Variants in KRT82 observed in about 807,000 individuals in gnomAD.
KRT82 encodes the protein keratin 82.
A neutral mutation model predicts 48.0 loss-of-function variants in KRT82; 44 were observed. The ratio of observed to expected loss-of-function variants is 0.92; its 90% CI spans 0.72 to 1.18. The LOEUF is 1.18. Ranked by LOEUF, KRT82 falls within the 50% of genes most tolerant of loss-of-function variation. KRT82 has a pLI of 0.00. For synonymous variants in KRT82, 297 were observed against 278.3 expected (o/e 1.07, Z -0.67); for missense variants, 701 against 671.4 (o/e 1.04, Z -0.49).
intron 5 of KRT82, 21 bp downstream of exon 5, chr12:52,399,964 C>A (rs193014204): frequency 1.9e-6 from 3 of 1,607,808 alleles, no homozygotes; most frequent in Admixed American, 1.7e-5. Context: ...AGTCTCCCTG[C>A]CCCCAACCAC....
chr12:52,401,488 G>T, intron 2 of KRT82, 139 bp from the exon 3 acceptor site: 1 of 719,520 alleles, frequency 1.4e-6, no homozygotes, highest in Non-Finnish European at 2.4e-6. Flanking sequence ...CCCTGTCTTG[G>T]CAACTCTAGC....
chr12:52,400,445 C>T, intron 4 of KRT82, 82 bp downstream of exon 4: 1 of 1,030,574 alleles, frequency 9.7e-7, no homozygotes, highest in Admixed American at 1.7e-5. Context: ...CTGAAATGTA[C>T]CCACTGGGCG....
chr12:52,395,696 C>T (rs1291426101), intron 8 of KRT82, 63 bp downstream of exon 8: 1 of 1,285,778 alleles, frequency 7.8e-7, no homozygotes, highest in Non-Finnish European at 1.1e-6. Flanking sequence ...GTGTGGGCTG[C>T]CTGTGTTGGG....
Position 52,396,861 on chromosome 12 carries a change from A to G in KRT82, c.1068+22T>C, listed in dbSNP as rs369200312. 5.0e-5 allele frequency: 80 copies of G among 1,612,868 alleles called. No individual in the cohort carries two copies. The African/African-American group carries it at 1.0e-3, about 20-fold the overall frequency. Reference sequence around the variant, plus strand: ...TCAGCCCAGGATGGCTGTTGCAGCAAGGAAGTCCTCCCCAGCCTCACCTGG... The same window carrying G: ...TCAGCCCAGGATGGCTGTTGCAGCAGGGAAGTCCTCCCCAGCCTCACCTGG... On this transcript the variant is annotated intron_variant, in intron 6 of 8. Coordinates refer to ENST00000257974, the MANE Select transcript of KRT82 (RefSeq NM_033033.4).
intron 8 of KRT82, 130 bp downstream of exon 8, chr12:52,395,629 G>A (rs1267709496): frequency 1.2e-5 from 8 of 670,462 alleles, no homozygotes; most frequent in East Asian, 5.7e-5. Flanking sequence ...GGGAGCTCAC[G>A]GCAGACAGAG....
At position 52,396,115 on chromosome 12, in the gene KRT82, T is replaced by C; in HGVS notation, c.1186A>G (p.Met396Val). The stretch of plus-strand genomic sequence containing the variant: ...TGATATTCCTTGAGCAGGCAGGCCA[T>C]GTCCTGCTTGGCCTTCTGCAGAGCC... ...EEALQKAKQD[M>V]ACLLKEYQEV... Residue 396 changes from methionine (M) to valine (V), a missense_variant, in exon 7 of 9, where the codon ATG (methionine) becomes GTG (valine). Coordinates refer to ENST00000257974, the MANE Select transcript of KRT82 (RefSeq NM_033033.4). 1.2e-6 allele frequency: 2 copies of C among 1,614,228 alleles called. No homozygotes were observed. The highest frequency in any genetic ancestry group is 1.1e-5 in the South Asian group (1 of 91,090).
chr12:52,404,057 T>A (rs1939822818), intron 1 of KRT82, 148 bp from the exon 2 acceptor site: 1 of 673,254 alleles, frequency 1.5e-6, no homozygotes, highest in South Asian at 1.9e-5. Flanking sequence ...CTGCATAGAC[T>A]GGCATCTGAG....
Position 52,395,740 on chromosome 12 carries a change from G to A in KRT82, c.1321+19C>T. Reference sequence around the variant, plus strand: ...CCCCCAAGACTCCAGAGCCAGTGGGGCATGGCTCATCTACTTACAGATATT... The same window carrying A: ...CCCCCAAGACTCCAGAGCCAGTGGGACATGGCTCATCTACTTACAGATATT... On this transcript the variant is annotated intron_variant, in intron 8 of 8. Transcript: ENST00000257974. The A allele has an allele frequency of 1.9e-6, 3 of 1,556,188 alleles. No homozygotes were observed. Among genetic ancestry groups the A allele is most frequent in the South Asian group, 1.2e-5 (1 of 81,774 alleles).
intron 8 of KRT82, 143 bp from the exon 9 acceptor site, chr12:52,395,338 T>A: frequency 1.5e-6 from 1 of 675,354 alleles, no homozygotes; most frequent in Non-Finnish European, 2.5e-6. Context: ...AGCCTCCGCG[T>A]CTCCCACCCT....
chr12:52,400,387 C>T (rs1419178277), intron 4 of KRT82, 140 bp downstream of exon 4: 2 of 728,510 alleles, frequency 2.7e-6, no homozygotes, highest in Admixed American at 2.5e-5. Context: ...CTGTGAGTCT[C>T]ACCGCCTGAG....
In KRT82 at chr12:52,394,705, G is replaced by A; in HGVS notation, c.*270C>T. The stretch of plus-strand genomic sequence containing the variant: ...TTTTGGGGGTTATTGCCATTCTGCG[G>A]TTAAGAGCAATGCATGCTCTTTCTC... On this transcript the variant is annotated 3_prime_UTR_variant, in exon 9 of 9. Coordinates refer to ENST00000257974, the MANE Select transcript of KRT82 (RefSeq NM_033033.4). The A allele has an allele frequency of 1.9e-6, 1 of 538,324 alleles. No individual in the cohort carries two copies. Among genetic ancestry groups the A allele is most frequent in the East Asian group, 3.2e-5 (1 of 31,430 alleles). The allele number at this position is 538,324 out of a possible 1,614,324, so 33.3% of individuals were successfully genotyped here. A position where few individuals can be genotyped will look rare whatever the true frequency, so the allele number is the denominator to read the frequency against.
chr12:52,403,850 C>A lies in KRT82; in HGVS notation c.471G>T (p.Gln157His), dbSNP rs764107261. 6.2e-7 allele frequency: 1 copy of A among 1,613,810 alleles called. No homozygotes were observed. Among genetic ancestry groups the A allele is most frequent in the African/African-American group, 1.3e-5 (1 of 74,954 alleles). Residue 157 changes from glutamine (Q) to histidine (H), a missense_variant, in exon 2 of 9, where the codon CAG becomes CAT. Transcript: ENST00000257974. ...LLETKWNFMQQQRCCQTNIEP... is the reference protein window; with the variant it reads ...LLETKWNFMQHQRCCQTNIEP... ...CGATGTTGGTCTGGCAGCACCTCTG[C>A]TGCTGCATGAAGTTCCACTTGGTCT...
At chr12:52,396,839 G>A in intron 6 of KRT82, 44 bp downstream of exon 6, 4 of 1,610,788 alleles carry the variant, frequency 2.5e-6, no homozygotes, top group Non-Finnish European at 2.5e-6. Context: ...TGGCCAGTCA[G>A]CCCAGGATGG....
At chr12:52,400,268 C>G in intron 4 of KRT82, 119 bp from the exon 5 acceptor site, 2 of 1,080,434 alleles carry the variant, frequency 1.9e-6, no homozygotes, top group Non-Finnish European at 2.6e-6. Context: ...TATGGCTGTT[C>G]TGGGCTTCAG....
rs2121487874 is a variant in KRT82 at position 52,406,029 on chromosome 12, T to C, written c.249A>G (p.Gly83=). The C allele has an allele frequency of 6.2e-7, 1 of 1,614,160 alleles. No homozygotes were observed. The highest frequency in any genetic ancestry group is 1.1e-5 in the South Asian group (1 of 91,084). ...TGCAGGCAGAAGGCCCACAGGTGGCTCCCAGTCGGTACCCGAAGCCAGGCA... is the reference window on the plus strand; with the variant it reads ...TGCAGGCAGAAGGCCCACAGGTGGCCCCCAGTCGGTACCCGAAGCCAGGCA... ...GTLPGFGYRL[G]ATCGPSACIT... is the part of the protein sequence containing the mutation. The change falls in exon 1 of 9, where the codon GGA becomes GGG. Residue 83 remains glycine, a synonymous_variant. Transcript: ENST00000257974.
chr12:52,405,785 C>T (rs1174697084), intron 1 of KRT82, 82 bp downstream of exon 1: 4 of 1,418,938 alleles, frequency 2.8e-6, no homozygotes, highest in East Asian at 2.3e-5. Flanking sequence ...TCAGTCTCCT[C>T]CTGGTTCCCT....
In KRT82 at chr12:52,395,996, T is replaced by A; in HGVS notation, c.1289+16A>T. The A allele has an allele frequency of 6.2e-7, 1 of 1,613,670 alleles. No individual in the cohort carries two copies. Among genetic ancestry groups the A allele is most frequent in the Non-Finnish European group, 8.5e-7 (1 of 1,179,976 alleles). On this transcript the variant is annotated intron_variant, in intron 7 of 8. Coordinates refer to ENST00000257974, the MANE Select transcript of KRT82 (RefSeq NM_033033.4). ...ACCTGGTAGCCCATCTTTGACCCCCTCCTGGAGGAGCTCACCTGTGCTCTT... is the reference window on the plus strand; with the variant it reads ...ACCTGGTAGCCCATCTTTGACCCCCACCTGGAGGAGCTCACCTGTGCTCTT...
Position 52,396,103 on chromosome 12 carries a change from G to C in KRT82, c.1198C>G (p.Leu400Val). ...QKAKQDMACL[L>V]KEYQEVMNSK... ...TTCATCACCTCCTGATATTCCTTGA[G>C]CAGGCAGGCCATGTCCTGCTTGGCC... Residue 400 changes from leucine (L) to valine (V), a missense_variant, in exon 7 of 9, where the codon CTC (leucine) becomes GTC (valine). By Grantham distance (32) the Leu-to-Val change is conservative (BLOSUM62 1). Transcript: ENST00000257974. 2 of 1,614,184 alleles carry C rather than the reference G, an allele frequency of 1.2e-6. No individual in the cohort carries two copies. Among genetic ancestry groups the C allele is most frequent in the African/African-American group, 2.7e-5 (2 of 75,038 alleles).
chr12:52,404,951 T>A (rs1224609493), intron 1 of KRT82, among the ~76,000 whole-genome samples: 3 of 152,078 alleles, frequency 2.0e-5, no homozygotes, highest in Non-Finnish European at 2.9e-5. Context: ...GTAGAGTCAA[T>A]GCCAGTGGCC....
Sources: allele counts gnomAD v4.1 joint callset (sites outside exome capture counted in the v4.1 genomes callset), GRCh38; gene constraint gnomAD v4.1.1; transcripts MANE v1.5; gene names NCBI Gene and HGNC (gene_info 2026-07-23, HGNC 2026-07-21).